STAG1: variants seen among roughly 807,000 people sequenced by gnomAD.
STAG1 encodes the protein cohesin subunit SA-1.
In STAG1, 26 loss-of-function variants were observed where a neutral mutation model predicts 170.9. The observed-to-expected ratio is 0.15, with a 90% CI of 0.11 to 0.21. STAG1 has a LOEUF of 0.21. Among genes scored for constraint, STAG1 ranks in the 10% least tolerant of loss-of-function variants. STAG1 has a pLI of 1.00. For missense variants in STAG1, 964 were observed against 1,509.5 expected (o/e 0.64, Z 5.99); for synonymous variants, 514 against 497.7 (o/e 1.03, Z -0.44).
chr3:136,493,880 T>G (rs1364623629), intron 9 of STAG1, among the ~76,000 whole-genome samples: 1 of 152,090 alleles, frequency 6.6e-6, no homozygotes, highest in Non-Finnish European at 1.5e-5. Context: ...TACAAAATAT[T>G]ATGAATAACA....
intron 5 of STAG1, among the ~76,000 whole-genome samples, chr3:136,567,580 G>C (rs553835679): frequency 6.6e-6 from 1 of 152,184 alleles, no homozygotes; most frequent in Non-Finnish European, 1.5e-5. Context: ...AGCCTGGGCT[G>C]CATCAGCATC....
chr3:136,428,129 G>T (rs1576456069), intron 16 of STAG1, among the ~76,000 whole-genome samples: 1 of 151,680 alleles, frequency 6.6e-6, no homozygotes, highest in South Asian at 2.1e-4. Context: ...AAGGAAGAGA[G>T]GTGAGTACCA....
In STAG1 at chr3:136,597,025, G is replaced by A. The variant is rs192407926; in HGVS notation, c.297+7284C>T. On this transcript the variant is annotated intron_variant, in intron 4 of 33. Transcript: ENST00000383202. ...GGGAGGCAGTGGTTACAGTGTGCTG[G>A]GACCATGTCACTGGCACCCCAATCT... Among the ~76,000 whole-genome samples the A allele has an allele frequency of 3.3e-5, 5 of 152,186 alleles. No homozygotes were observed. In the East Asian group the frequency reaches 9.6e-4, roughly 29 times the overall value.
At chr3:136,366,456 C>T (rs913331536) in intron 25 of STAG1, among the ~76,000 whole-genome samples, 14 of 152,128 alleles carry the variant, frequency 9.2e-5, no homozygotes, top group African/African-American at 3.4e-4. Context: ...TTACTCAACA[C>T]ATTGCAGTTG....
intron 9 of STAG1, among the ~76,000 whole-genome samples, chr3:136,487,977 A>C (rs2090050177): frequency 6.6e-6 from 1 of 152,228 alleles, no homozygotes; most frequent in African/African-American, 2.4e-5. Flanking sequence ...TAAGTAAGCC[A>C]TTGTGGAAGC....
At chr3:136,569,293 G>T (rs181473558) in intron 4 of STAG1, among the ~76,000 whole-genome samples, 1 of 151,610 alleles carries the variant, frequency 6.6e-6, no homozygotes, top group East Asian at 1.9e-4. Context: ...GTACAAGAAT[G>T]GCTTAATATT....
intron 5 of STAG1, among the ~76,000 whole-genome samples, chr3:136,556,375 G>C (rs1936615782): frequency 6.6e-6 from 1 of 152,040 alleles, no homozygotes. Flanking sequence ...AGTAGGAATG[G>C]GGTTCTACTG....
intron 7 of STAG1, among the ~76,000 whole-genome samples, chr3:136,505,635 C>A (rs1413207993): frequency 2.0e-5 from 3 of 152,200 alleles, no homozygotes; most frequent in African/African-American, 7.2e-5. Context: ...ATATACTGAG[C>A]ATTGTTCTAG....
chr3:136,361,911 T>C (rs115791735), intron 26 of STAG1, among the ~76,000 whole-genome samples: 71 of 150,306 alleles, frequency 4.7e-4, no homozygotes, highest in African/African-American at 1.7e-3. Flanking sequence ...TGTGCTTGGC[T>C]TTCATTAATT....
At chr3:136,565,071 A>C (rs1576613193) in intron 5 of STAG1, among the ~76,000 whole-genome samples, 2 of 27,196 alleles carry the variant, frequency 7.4e-5, no homozygotes, top group Non-Finnish European at 1.3e-4. Context: ...GGAGGGAGGG[A>C]GGGAGGGAGG....
intron 1 of STAG1, among the ~76,000 whole-genome samples, chr3:136,640,518 G>A (rs1210422703): frequency 3.3e-5 from 5 of 149,484 alleles, no homozygotes; most frequent in East Asian, 2.0e-4. Context: ...ACAGGTGCCC[G>A]CCACCATGCC....
chr3:136,505,492 A>G (rs1334042549), intron 7 of STAG1, among the ~76,000 whole-genome samples: 2 of 152,236 alleles, frequency 1.3e-5, no homozygotes, highest in Non-Finnish European at 2.9e-5. Flanking sequence ...ACACTAATAA[A>G]TACATATATA....
chr3:136,417,257 A>C (rs536771776), intron 21 of STAG1, among the ~76,000 whole-genome samples: 1 of 152,338 alleles, frequency 6.6e-6, no homozygotes, highest in South Asian at 2.1e-4. Context: ...GAAATGAATG[A>C]GATAACCCCT....
chr3:136,463,958 CAATT>C (rs1437785056), intron 13 of STAG1, among the ~76,000 whole-genome samples: 1 of 148,898 alleles, frequency 6.7e-6, no homozygotes, highest in Non-Finnish European at 1.5e-5. Context: ...ATCTACTAAT[CAATT>C]ATAGAACATA....
At chr3:136,369,371 G>T in intron 23 of STAG1, 89 bp from the exon 24 acceptor site, 4 of 994,872 alleles carry the variant, frequency 4.0e-6, no homozygotes, top group South Asian at 2.1e-5. Context: ...TTAAAACATA[G>T]TTTAATAGCA....
intron 25 of STAG1, among the ~76,000 whole-genome samples, chr3:136,366,568 A>G (rs905866820): frequency 6.6e-6 from 1 of 152,118 alleles, no homozygotes; most frequent in African/African-American, 2.4e-5. Flanking sequence ...CAATATTCTA[A>G]ATAAAAGAGA....
intron 21 of STAG1, among the ~76,000 whole-genome samples, chr3:136,406,293 T>C (rs1024383678): frequency 2.0e-5 from 3 of 152,312 alleles, no homozygotes; most frequent in Non-Finnish European, 4.4e-5. Flanking sequence ...GTGAAAGACA[T>C]GCTCTCAACG....
At chr3:136,373,520 A>C (rs1371205156) in intron 23 of STAG1, among the ~76,000 whole-genome samples, 1 of 151,768 alleles carries the variant, frequency 6.6e-6, no homozygotes, top group Non-Finnish European at 1.5e-5. Context: ...ACTGCTTTGA[A>C]TGTGTCCCAG....
Position 136,688,607 on chromosome 3 carries a change from G to C in STAG1, c.-83-57626C>G, listed in dbSNP as rs1300652280. ...GGGCTTTGCCATGTTGGCCAGGCTA[G>C]TCTCAAACTCCTGACATCAAGTGAT... On this transcript the variant is annotated intron_variant, in intron 1 of 33. Transcript: ENST00000383202. 2.6e-5 allele frequency among the ~76,000 whole-genome samples: 4 copies of C among 152,264 alleles called. No individual in the cohort carries two copies. The East Asian group carries it at 7.7e-4, about 29-fold the overall frequency.
Sources: gnomAD v4.1 joint callset for allele counts (sites outside exome capture counted in the v4.1 genomes callset) on GRCh38, gnomAD v4.1.1 for gene constraint, MANE v1.5 for transcripts, NCBI Gene and HGNC (gene_info 2026-07-23, HGNC 2026-07-21) for gene names.